Variants in KIF16B observed in about 807,000 individuals in gnomAD.
KIF16B encodes the protein kinesin family member 16B, also known as kinesin-like protein KIF16B.
Under a neutral mutation model 156.3 loss-of-function variants are expected in KIF16B, and 98 were observed. The observed-to-expected ratio is 0.63, with a 90% CI of 0.53 to 0.74. The LOEUF (loss-of-function observed/expected upper bound fraction) is 0.74. KIF16B is among the 30% of genes least tolerant of loss of function. The probability of loss-of-function intolerance (pLI) is 0.00; values close to 1 mark genes in which losing one functional copy is unlikely to be tolerated. For synonymous variants in KIF16B, 564 were observed against 583.7 expected (o/e 0.97, Z 0.49); for missense variants, 1,421 against 1,606.5 (o/e 0.88, Z 1.97).
chr20:16,396,739 T>C (rs2065515080), intron 17 of KIF16B, among the ~76,000 whole-genome samples: 1 of 151,556 alleles, frequency 6.6e-6, no homozygotes, highest in Non-Finnish European at 1.5e-5. Flanking sequence ...TCATTCGTCT[T>C]CTTCCCCGAT....
At chr20:16,309,938 T>C (rs1313869884) in intron 25 of KIF16B, among the ~76,000 whole-genome samples, 6 of 152,212 alleles carry the variant, frequency 3.9e-5, no homozygotes, top group Non-Finnish European at 8.8e-5. Flanking sequence ...CTCCAGCATG[T>C]AGTAAGGAAT....
At chr20:16,445,502 G>T (rs558589941) in intron 12 of KIF16B, among the ~76,000 whole-genome samples, 86 of 149,038 alleles carry the variant, frequency 5.8e-4, no homozygotes, top group Non-Finnish European at 1.0e-3. Flanking sequence ...ATTTTTAAGT[G>T]AGCAATTTGA....
intron 1 of KIF16B, among the ~76,000 whole-genome samples, chr20:16,561,306 T>C (rs2071052536): frequency 6.6e-6 from 1 of 151,998 alleles, no homozygotes; most frequent in Non-Finnish European, 1.5e-5. Flanking sequence ...AAAAAAGTAG[T>C]AGAGAGTAGA....
intron 7 of KIF16B, among the ~76,000 whole-genome samples, chr20:16,506,677 T>A (rs1190559113): frequency 6.6e-6 from 1 of 152,110 alleles, no homozygotes; most frequent in East Asian, 1.9e-4. Context: ...ACTATATTCC[T>A]CGCTTCTGAA....
rs1283975893 is a variant in KIF16B, at chr20:16,505,729, C to T, written c.993G>A (p.Met331Ile). The change falls in exon 9 of 26, where the codon ATG (methionine) becomes ATA (isoleucine). Residue 331 changes from methionine to isoleucine, a missense_variant. Transcript: ENST00000354981. Reference sequence around the variant, plus strand: ...GTAACTTAAAACTCTTACTGGCAATCATGATAGTTTTAGAGTTTCCTCCAA... The same window carrying T: ...GTAACTTAAAACTCTTACTGGCAATTATGATAGTTTTAGAGTTTCCTCCAA... ...DSLGGNSKTIMIATISPADVN... is the reference protein window; with the variant it reads ...DSLGGNSKTIIIATISPADVN... 1 of 1,612,636 alleles carries T rather than the reference C, an allele frequency of 6.2e-7. No homozygotes were observed. The highest frequency in any genetic ancestry group is 8.5e-7 in the Non-Finnish European group (1 of 1,179,092).
intron 24 of KIF16B, among the ~76,000 whole-genome samples, chr20:16,327,835 G>A (rs536078512): frequency 6.6e-6 from 1 of 152,174 alleles, no homozygotes; most frequent in East Asian, 1.9e-4. Flanking sequence ...AGAAATTCAA[G>A]GAGGCTGAGG....
intron 1 of KIF16B, among the ~76,000 whole-genome samples, chr20:16,570,676 T>C (rs529191238): frequency 1.6e-4 from 24 of 152,314 alleles, no homozygotes; most frequent in Admixed American, 4.6e-4. Context: ...CAACTAGCCT[T>C]GTCTTCAAGA....
chr20:16,309,493 C>T lies in KIF16B; in HGVS notation c.3795+2842G>A, dbSNP rs368163997. On this transcript the variant is annotated intron_variant, in intron 25 of 25. Coordinates refer to ENST00000354981, the MANE Select transcript of KIF16B (RefSeq NM_024704.5). ...GTGAGAAATTTCTGTTCCTATCCATCATTTCTAAAAATAAATATTTTAACA... is the reference window on the plus strand; with the variant it reads ...GTGAGAAATTTCTGTTCCTATCCATTATTTCTAAAAATAAATATTTTAACA... 2.6e-5 allele frequency among the ~76,000 whole-genome samples: 4 copies of T among 152,308 alleles called. No individual in the cohort carries two copies. The East Asian group carries it at 5.8e-4, about 22-fold the overall frequency.
At chr20:16,532,722 C>T (rs988564013) in intron 1 of KIF16B, among the ~76,000 whole-genome samples, 3 of 152,174 alleles carry the variant, frequency 2.0e-5, no homozygotes, top group African/African-American at 4.8e-5. Flanking sequence ...CTTAAAACCA[C>T]TATTATCAAC....
chr20:16,324,766 G>A (rs542275384), intron 24 of KIF16B, among the ~76,000 whole-genome samples: 40 of 152,100 alleles, frequency 2.6e-4, no homozygotes, highest in South Asian at 8.3e-4. Context: ...CCAAAAGATA[G>A]AGAAAGAGGG....
intron 12 of KIF16B, among the ~76,000 whole-genome samples, chr20:16,493,117 CAGG>C (rs1265665079): frequency 1.3e-5 from 2 of 152,154 alleles, no homozygotes; most frequent in East Asian, 1.9e-4. Flanking sequence ...TCATTGTAAT[CAGG>C]AGAAGAGAAA....
Position 16,380,069 on chromosome 20 carries a change from C to T in KIF16B, c.1933G>A (p.Glu645Lys). The T allele has an allele frequency of 6.4e-7, 1 of 1,552,598 alleles. No homozygotes were observed. The highest frequency in any genetic ancestry group is 2.0e-5 in the Admixed American group (1 of 49,468). ...QEVETQRKETEIVQLQIRKQE... is the reference protein window; with the variant it reads ...QEVETQRKETKIVQLQIRKQE... Reference sequence around the variant, plus strand: ...TTGCGAATCTGGAGCTGCACGATTTCTGTCTCCTTGCGCTGGGTCTCCACC... The same window carrying T: ...TTGCGAATCTGGAGCTGCACGATTTTTGTCTCCTTGCGCTGGGTCTCCACC... Residue 645 changes from glutamate to lysine, a missense_variant, in exon 19 of 26, where the codon GAA becomes AAA. Physicochemically the swap from Glu to Lys is moderately conservative, Grantham distance 56. Transcript: ENST00000354981.
rs1373461045 is a variant in KIF16B, at chr20:16,512,853, T to C, written c.419A>G (p.Asp140Gly). ...GACTTCAGTTCGAAAAGAAGCTTCATCCCATCTGGTGGTTTCATTTATCCG... is the reference window on the plus strand; with the variant it reads ...GACTTCAGTTCGAAAAGAAGCTTCACCCCATCTGGTGGTTTCATTTATCCG... ...FSRINETTRW[D>G]EASFRTEVSY... Residue 140 changes from aspartate to glycine, a missense_variant, in exon 5 of 26, where the codon GAT (aspartate) becomes GGT (glycine). Transcript: ENST00000354981. 3.7e-6 allele frequency: 6 copies of C among 1,613,670 alleles called. No homozygotes were observed. Among genetic ancestry groups the C allele is most frequent in the Admixed American group, 1.7e-5 (1 of 60,010 alleles).
At position 16,508,412 on chromosome 20, in the gene KIF16B, G is replaced by A. The variant is rs79225958; in HGVS notation, c.557-312C>T. On this transcript the variant is annotated intron_variant, in intron 6 of 25. Transcript: ENST00000354981. ...AGGGCCACGGTCCCCAACTTTTTCA[G>A]CACCAGAGATCGGTTTCATGGAAGG... 4.8e-3 allele frequency among the ~76,000 whole-genome samples: 734 copies of A among 152,298 alleles called. 14 individuals carry two copies. Among genetic ancestry groups the A allele is most frequent in the Admixed American group, 0.038 (576 of 15,292 alleles).
chr20:16,298,259 C>T (rs912664786), intron 25 of KIF16B, among the ~76,000 whole-genome samples: 10 of 152,238 alleles, frequency 6.6e-5, no homozygotes, highest in Non-Finnish European at 1.5e-4. Flanking sequence ...TTGGGACTCA[C>T]ATCCTCTGAC....
At chr20:16,572,767 C>T (rs1375179934) in intron 1 of KIF16B, among the ~76,000 whole-genome samples, 3 of 152,136 alleles carry the variant, frequency 2.0e-5, no homozygotes, top group Non-Finnish European at 4.4e-5. Flanking sequence ...GCTAAGTTAT[C>T]GATTAGACAT....
chr20:16,341,717 T>C (rs1219850478), intron 23 of KIF16B, among the ~76,000 whole-genome samples: 2 of 152,242 alleles, frequency 1.3e-5, no homozygotes, highest in African/African-American at 4.8e-5. Flanking sequence ...CATCAGAAAC[T>C]CTGGGCTGGG....
At position 16,541,884 on chromosome 20, in the gene KIF16B, C is replaced by A. The variant is rs115062707; in HGVS notation, c.48-13444G>T. ...GGGCACAGATGGCCAGGCTTTTATA[C>A]CCCTGCTTTGAGCAATCAGGGACTG... On this transcript the variant is annotated intron_variant, in intron 1 of 25. Coordinates refer to ENST00000354981, the MANE Select transcript of KIF16B (RefSeq NM_024704.5). 4.1e-3 allele frequency among the ~76,000 whole-genome samples: 622 copies of A among 152,318 alleles called. 7 individuals are homozygous for A. The highest frequency in any genetic ancestry group is 0.014 in the African/African-American group (590 of 41,572).
At chr20:16,450,553 G>C (rs1481675190) in intron 12 of KIF16B, among the ~76,000 whole-genome samples, 1 of 152,168 alleles carries the variant, frequency 6.6e-6, no homozygotes, top group African/African-American at 2.4e-5. Context: ...CCCACAGGCT[G>C]TTCCTCCGCT....
Sources: allele counts gnomAD v4.1 joint callset (sites outside exome capture counted in the v4.1 genomes callset), GRCh38; gene constraint gnomAD v4.1.1; transcripts MANE v1.5; gene names NCBI Gene and HGNC (gene_info 2026-07-23, HGNC 2026-07-21).